Variants in BNC2 observed in about 807,000 individuals in gnomAD.
BNC2 encodes the protein zinc finger protein basonuclin-2.
Under a neutral mutation model 76.3 loss-of-function variants are expected in BNC2, and 20 were observed. The ratio of observed to expected loss-of-function variants is 0.26; its 90% CI spans 0.18 to 0.38. The LOEUF (loss-of-function observed/expected upper bound fraction) is 0.38, where lower values mean the gene tolerates loss of function less well. Ranked by LOEUF, BNC2 falls within the 10% of genes least tolerant of loss-of-function variation. BNC2 has a pLI of 1.00. For synonymous variants in BNC2, 582 were observed against 514.8 expected, an observed-to-expected ratio of 1.13 and a Z score of -1.77; for missense variants, 1,382 against 1,399.8, an observed-to-expected ratio of 0.99 and a Z score of 0.20.
chr9:16,523,974 T>C (rs1817710343), intron 5 of BNC2, among the ~76,000 whole-genome samples: 1 of 152,138 alleles, frequency 6.6e-6, no homozygotes, highest in South Asian at 2.1e-4. Context: ...TTTTAATAAC[T>C]GTTCTATTTT....
chr9:16,651,609 T>C (rs555348264), intron 3 of BNC2, among the ~76,000 whole-genome samples: 1 of 152,304 alleles, frequency 6.6e-6, no homozygotes, highest in South Asian at 2.1e-4. Context: ...GGGTGATGTA[T>C]TTATAATACA....
intron 1 of BNC2, among the ~76,000 whole-genome samples, chr9:16,830,916 T>A (rs1382093399): frequency 6.6e-6 from 1 of 152,198 alleles, no homozygotes; most frequent in Non-Finnish European, 1.5e-5. Flanking sequence ...ATAGCAAGGG[T>A]GAATGGCACT....
chr9:16,464,094 CAAA>C (rs1324549679), intron 5 of BNC2, among the ~76,000 whole-genome samples: 1 of 34,730 alleles, frequency 2.9e-5, no homozygotes, highest in African/African-American at 7.4e-5. Context: ...ACCCTGTCTC[CAAA>C]AAAAAAAAAA....
At chr9:16,824,272 G>A in intron 1 of BNC2, among the ~76,000 whole-genome samples, 1 of 151,844 alleles carries the variant, frequency 6.6e-6, no homozygotes. Flanking sequence ...TTTAATGTTT[G>A]GTCATTTTAT....
intron 1 of BNC2, among the ~76,000 whole-genome samples, chr9:16,776,159 G>C (rs1392404115): frequency 6.6e-6 from 1 of 151,912 alleles, no homozygotes; most frequent in Non-Finnish European, 1.5e-5. Flanking sequence ...ATTTTTTTAA[G>C]AGGGAGTTTC....
chr9:16,708,071 G>C (rs955815000), intron 3 of BNC2, among the ~76,000 whole-genome samples: 5 of 152,042 alleles, frequency 3.3e-5, no homozygotes, highest in African/African-American at 1.2e-4. Flanking sequence ...ACAAATAAGT[G>C]GAATCAGAAC....
At chr9:16,679,986 T>C (rs563515867) in intron 3 of BNC2, among the ~76,000 whole-genome samples, 2 of 152,334 alleles carry the variant, frequency 1.3e-5, no homozygotes, top group South Asian at 2.1e-4. Flanking sequence ...CTTAGTAATT[T>C]TGTTTCGCAT....
chr9:16,468,748 C>G (rs1233415382), intron 5 of BNC2, among the ~76,000 whole-genome samples: 1 of 152,118 alleles, frequency 6.6e-6, no homozygotes, highest in African/African-American at 2.4e-5. Context: ...GTACTATTAT[C>G]ATCTCCAAGC....
chr9:16,480,969 C>G (rs930471423), intron 5 of BNC2, among the ~76,000 whole-genome samples: 29 of 152,198 alleles, frequency 1.9e-4, no homozygotes, highest in African/African-American at 6.5e-4. Flanking sequence ...CAGCTGGGCT[C>G]CTGAGTCTGG....
intron 3 of BNC2, among the ~76,000 whole-genome samples, chr9:16,663,255 G>A (rs1016224294): frequency 3.3e-5 from 5 of 150,612 alleles, no homozygotes; most frequent in East Asian, 2.0e-4. Flanking sequence ...TCAGCCGCCC[G>A]AGTAGCTGGG....
intron 6 of BNC2, among the ~76,000 whole-genome samples, chr9:16,430,245 A>ACTT (rs1315731570): frequency 6.6e-6 from 1 of 152,208 alleles, no homozygotes; most frequent in East Asian, 1.9e-4. Flanking sequence ...GACCTGCACA[A>ACTT]CTTCATGTTG....
intron 3 of BNC2, among the ~76,000 whole-genome samples, chr9:16,626,760 C>T (rs763624615): frequency 2.2e-4 from 34 of 151,998 alleles, no homozygotes; most frequent in Non-Finnish European, 3.7e-4. Context: ...CAAATGTCAA[C>T]GGTCCCCTCT....
Position 16,748,922 on chromosome 9 carries a change from C to CTATATATATATATATA in BNC2, c.4-10453_4-10438dup, listed in dbSNP as rs34314862. The stretch of plus-strand genomic sequence containing the variant: ...TCTGTACTTTTTTTCACTTTTTATA[C>CTATATATATATATATA]TATATATATATATATATATATATAT... On this transcript the variant is annotated intron_variant, in intron 1 of 6. Coordinates refer to ENST00000380672, the MANE Select transcript of BNC2 (RefSeq NM_017637.6). Among the ~76,000 whole-genome samples the CTATATATATATATATA allele has an allele frequency of 5.2e-3, 681 of 130,386 alleles. 7 individuals carry two copies. The highest frequency in any genetic ancestry group is 0.02 in the African/African-American group (630 of 32,244). The allele number at this position is 130,386 out of a possible 152,430, so 85.5% of individuals were successfully genotyped here. A position where few individuals can be genotyped will look rare whatever the true frequency, so the allele number is the denominator to read the frequency against.
intron 1 of BNC2, among the ~76,000 whole-genome samples, chr9:16,854,119 C>T (rs1819196629): frequency 6.6e-6 from 1 of 152,152 alleles, no homozygotes; most frequent in Non-Finnish European, 1.5e-5. Flanking sequence ...TGTTCAGTGT[C>T]TTTCCTTTCT....
chr9:16,495,453 A>T (rs536231466), intron 5 of BNC2, among the ~76,000 whole-genome samples: 1 of 152,216 alleles, frequency 6.6e-6, no homozygotes, highest in Non-Finnish European at 1.5e-5. Context: ...GTGAATGTCA[A>T]TCTGAAAAAT....
intron 3 of BNC2, among the ~76,000 whole-genome samples, chr9:16,635,073 T>C (rs1167135739): frequency 6.6e-6 from 1 of 152,206 alleles, no homozygotes; most frequent in Non-Finnish European, 1.5e-5. Context: ...ATAACAAACA[T>C]AACTTGGGGT....
chr9:16,747,259 G>A (rs1261229866), intron 1 of BNC2, among the ~76,000 whole-genome samples: 2 of 151,842 alleles, frequency 1.3e-5, no homozygotes, highest in Non-Finnish European at 2.9e-5. Context: ...AGAAAACCAA[G>A]CCAGACTCTT....
chr9:16,697,049 C>T (rs563209529), intron 3 of BNC2, among the ~76,000 whole-genome samples: 1 of 152,300 alleles, frequency 6.6e-6, no homozygotes, highest in East Asian at 1.9e-4. Flanking sequence ...GGGAAATACC[C>T]ATCTGCCCTG....
intron 3 of BNC2, among the ~76,000 whole-genome samples, chr9:16,687,393 T>C (rs1380915215): frequency 6.6e-6 from 1 of 152,068 alleles, no homozygotes. Context: ...TCCTCTTAAC[T>C]GAGGAATAAG....
Sources: gnomAD v4.1 joint callset for allele counts (sites outside exome capture counted in the v4.1 genomes callset) on GRCh38, gnomAD v4.1.1 for gene constraint, MANE v1.5 for transcripts, NCBI Gene and HGNC (gene_info 2026-07-23, HGNC 2026-07-21) for gene names.